MAP3K5: variants seen among roughly 807,000 people sequenced by gnomAD.
The protein encoded by MAP3K5 is mitogen-activated protein kinase kinase kinase 5, also known as ASK-1.
A neutral mutation model predicts 158.7 loss-of-function variants in MAP3K5; 56 were observed. The observed-to-expected ratio is 0.35, with a 90% CI of 0.28 to 0.44. MAP3K5 has a LOEUF of 0.44. MAP3K5 is among the 20% of genes least tolerant of loss of function. The pLI is 1.00. For synonymous variants in MAP3K5, 579 were observed against 601.7 expected (o/e 0.96, Z 0.55); for missense variants, 1,294 against 1,674.8 (o/e 0.77, Z 3.97).
At chr6:136,728,713 C>T (rs760917900) in intron 1 of MAP3K5, among the ~76,000 whole-genome samples, 1 of 152,174 alleles carries the variant, frequency 6.6e-6, no homozygotes, top group Non-Finnish European at 1.5e-5. Context: ...CTCATATTGC[C>T]AAAGCAAATT....
chr6:136,663,293 T>C (rs1336444494), intron 8 of MAP3K5, among the ~76,000 whole-genome samples: 1 of 152,238 alleles, frequency 6.6e-6, no homozygotes, highest in Admixed American at 6.5e-5. Context: ...TGAATGACCA[T>C]ATTTTCAACA....
chr6:136,628,117 C>CT (rs398066307), intron 14 of MAP3K5, among the ~76,000 whole-genome samples: 1,706 of 144,884 alleles, frequency 0.012, 30 homozygotes, highest in African/African-American at 0.04. Context: ...ATATTTAAAT[C>CT]TTTTTTTTTT....
At chr6:136,615,760 C>T (rs1358268898) in intron 15 of MAP3K5, among the ~76,000 whole-genome samples, 3 of 152,088 alleles carry the variant, frequency 2.0e-5, no homozygotes, top group Non-Finnish European at 4.4e-5. Context: ...ATAATGGAGG[C>T]TACAGGTGTG....
intron 14 of MAP3K5, chr6:136,637,109 A>C: frequency 7.1e-7 from 1 of 1,401,650 alleles, no homozygotes; most frequent in Non-Finnish European, 9.3e-7. Context: ...TCAGGTAAGT[A>C]AAATGCTAAC....
chr6:136,730,126 C>G (rs985100338), intron 1 of MAP3K5, among the ~76,000 whole-genome samples: 7 of 150,978 alleles, frequency 4.6e-5, no homozygotes, highest in Non-Finnish European at 1.0e-4. Context: ...GTACACGCCA[C>G]CATACCTGTT....
At chr6:136,674,330 T>G (rs937301000) in intron 7 of MAP3K5, among the ~76,000 whole-genome samples, 2 of 152,146 alleles carry the variant, frequency 1.3e-5, no homozygotes, top group African/African-American at 4.8e-5. Flanking sequence ...TAAAATCTAT[T>G]GATTATTTAA....
At chr6:136,650,938 A>G in intron 11 of MAP3K5, 46 bp downstream of exon 11, 1 of 1,215,836 alleles carries the variant, frequency 8.2e-7, no homozygotes, top group Non-Finnish European at 1.2e-6. Context: ...AAGGGTGTAA[A>G]GTCCCTTGTT....
intron 1 of MAP3K5, among the ~76,000 whole-genome samples, chr6:136,749,018 C>T (rs1451144863): frequency 1.3e-5 from 2 of 152,186 alleles, no homozygotes; most frequent in Non-Finnish European, 2.9e-5. Context: ...ATATAATATG[C>T]TCAAAACTTA....
intron 7 of MAP3K5, among the ~76,000 whole-genome samples, chr6:136,690,045 G>C (rs750949272): frequency 6.6e-6 from 1 of 151,872 alleles, no homozygotes; most frequent in Non-Finnish European, 1.5e-5. Context: ...AAGTACAAAA[G>C]AATAATATAA....
At chr6:136,696,117 A>G in intron 5 of MAP3K5, 60 bp from the exon 6 acceptor site, 1 of 986,070 alleles carries the variant, frequency 1.0e-6, no homozygotes, top group Non-Finnish European at 1.6e-6. Context: ...TCTCACAATA[A>G]CGTGTCTTTT....
rs376459810 is a variant in MAP3K5, at chr6:136,698,534, A to G, written c.761T>C (p.Val254Ala). ...CTTCAAAAGTTGAATAAAACGATCC[A>G]CAAGAGGTAAGCAGATGGGTCCAAG... is the stretch of plus-strand genomic sequence containing the variant. ...LLLGPICLPL[V>A]DRFIQLLKVA... Residue 254 changes from valine to alanine, a missense_variant, in exon 4 of 30, where the codon GTG becomes GCG. Transcript: ENST00000359015. 38 of 1,613,936 alleles carry G rather than the reference A, an allele frequency of 2.4e-5. No individual in the cohort carries two copies. Among genetic ancestry groups the G allele is most frequent in the Non-Finnish European group, 3.1e-5 (36 of 1,179,978 alleles).
At position 136,611,329 on chromosome 6, in the gene MAP3K5, G is replaced by A; in HGVS notation, c.2474C>T (p.Thr825Ile). ...SGVLKISDFG[T>I]SKRLAGINPC... ...GTTTATGCCAGCAAGCCTCTTTGATGTTCCGAAGTCAGAGATCTTGAGAAC... is the reference window on the plus strand; with the variant it reads ...GTTTATGCCAGCAAGCCTCTTTGATATTCCGAAGTCAGAGATCTTGAGAAC... Residue 825 changes from threonine to isoleucine, a missense_variant, in exon 18 of 30, where the codon ACA (threonine) becomes ATA (isoleucine). Physicochemically the swap from Thr to Ile is moderately conservative, Grantham distance 89. Coordinates refer to ENST00000359015, the MANE Select transcript of MAP3K5 (RefSeq NM_005923.4). The A allele has an allele frequency of 6.2e-7, 1 of 1,613,408 alleles. No homozygotes were observed. Among genetic ancestry groups the A allele is most frequent in the African/African-American group, 1.3e-5 (1 of 74,952 alleles).
chr6:136,577,875 T>C (rs992839737), intron 25 of MAP3K5, among the ~76,000 whole-genome samples: 2 of 152,252 alleles, frequency 1.3e-5, no homozygotes, highest in African/African-American at 4.8e-5. Context: ...TTCTCAGTTT[T>C]TCACTAATGT....
Position 136,603,342 on chromosome 6 carries a change from T to A in MAP3K5, c.2680-1363A>T, listed in dbSNP as rs889706332. Among the ~76,000 whole-genome samples the A allele has an allele frequency of 2.0e-5, 3 of 149,772 alleles. No homozygotes were observed. In the East Asian group the frequency reaches 5.8e-4, roughly 29 times the overall value. On this transcript the variant is annotated intron_variant, in intron 19 of 29. Transcript: ENST00000359015. Reference sequence around the variant, plus strand: ...TGCCTGCCACTGTGCCCCCCTAATTTTTTTTTTTTTTTTTTAGTAGAGATG... The same window carrying A: ...TGCCTGCCACTGTGCCCCCCTAATTATTTTTTTTTTTTTTTAGTAGAGATG...
At chr6:136,765,574 G>A (rs984937598) in intron 1 of MAP3K5, among the ~76,000 whole-genome samples, 2 of 151,068 alleles carry the variant, frequency 1.3e-5, no homozygotes, top group African/African-American at 2.4e-5. Context: ...ATACAGTGGC[G>A]CCATCTCGGC....
chr6:136,666,721 A>T (rs558546675), intron 8 of MAP3K5, among the ~76,000 whole-genome samples: 1 of 152,334 alleles, frequency 6.6e-6, no homozygotes, highest in East Asian at 1.9e-4. Flanking sequence ...GTTGATTAGC[A>T]TAATTTACAA....
At chr6:136,605,565 G>A (rs746375810) in intron 18 of MAP3K5, among the ~76,000 whole-genome samples, 199 bp from the exon 19 acceptor site, 37 of 152,180 alleles carry the variant, frequency 2.4e-4, no homozygotes, top group Non-Finnish European at 4.0e-4. Flanking sequence ...GATTTCATCA[G>A]TGACATAAAA....
intron 3 of MAP3K5, 50 bp downstream of exon 3, chr6:136,705,060 T>C (rs1168112515): frequency 1.1e-6 from 1 of 900,484 alleles, no homozygotes; most frequent in Non-Finnish European, 1.7e-6. Flanking sequence ...GATTAGTTAA[T>C]GGAAAAGAAA....
At chr6:136,778,854 T>C (rs1006555861) in intron 1 of MAP3K5, among the ~76,000 whole-genome samples, 2 of 152,170 alleles carry the variant, frequency 1.3e-5, no homozygotes, top group African/African-American at 2.4e-5. Flanking sequence ...ATCTGCCTCA[T>C]AAAGTTGTTT....
Sources: gnomAD v4.1 joint callset for allele counts (sites outside exome capture counted in the v4.1 genomes callset) on GRCh38, gnomAD v4.1.1 for gene constraint, MANE v1.5 for transcripts, NCBI Gene and HGNC (gene_info 2026-07-23, HGNC 2026-07-21) for gene names.